The following TSC22D1 variants were observed in gnomAD, a reference collection of about 807,000 sequenced individuals.
TSC22D1 encodes the protein TSC22 domain family member 1, also known as TSC22 domain family protein 1.
TSC22D1 carries 9 observed loss-of-function variants against 74.2 expected under a neutral mutation model. The ratio of observed to expected loss-of-function variants is 0.12; its 90% CI spans 0.07 to 0.21. TSC22D1 has a LOEUF of 0.21. Among genes scored for constraint, TSC22D1 ranks in the 10% least tolerant of loss-of-function variants. The pLI is 1.00. For synonymous variants in TSC22D1, 586 were observed against 492.5 expected (o/e 1.19, Z -2.51); for missense variants, 1,427 against 1,304.7 (o/e 1.09, Z -1.44).
At chr13:44,544,080 A>G (rs1881654188) in intron 1 of TSC22D1, among the ~76,000 whole-genome samples, 2 of 152,196 alleles carry the variant, frequency 1.3e-5, no homozygotes, top group Non-Finnish European at 2.9e-5. Flanking sequence ...GTGACACAGC[A>G]AGACTCCGTC....
intron 1 of TSC22D1, among the ~76,000 whole-genome samples, chr13:44,453,498 T>C (rs1876325468): frequency 6.6e-6 from 1 of 152,354 alleles, no homozygotes; most frequent in Admixed American, 6.5e-5. Flanking sequence ...ATGTATTTAT[T>C]ACTTGATGCA....
At chr13:44,465,779 C>G (rs1014912302) in intron 1 of TSC22D1, among the ~76,000 whole-genome samples, 1 of 152,136 alleles carries the variant, frequency 6.6e-6, no homozygotes, top group African/African-American at 2.4e-5. Flanking sequence ...TCAAGACCAG[C>G]CTGGCCAACG....
Position 44,446,794 on chromosome 13 carries a change from GAGGAGGAAA to G in TSC22D1, c.2913-10708_2913-10700del, listed in dbSNP as rs1178608741. Reference sequence around the variant, plus strand: ...GGAAGAAGAGGAAGAAGAGGAGGAGGAGGAGGAAAAGGAGGAGGAAGAGGAGGAGGAAGA... The same window carrying G: ...GGAAGAAGAGGAAGAAGAGGAGGAGGAGGAGGAGGAAGAGGAGGAGGAAGA... On this transcript the variant is annotated intron_variant, in intron 1 of 2. Transcript: ENST00000458659. Among the ~76,000 whole-genome samples, 287 of 119,128 alleles carry G rather than the reference GAGGAGGAAA, an allele frequency of 2.4e-3. 1 individual carries two copies. The highest frequency in any genetic ancestry group is 0.012 in the South Asian group (49 of 4,044). The allele number at this position is 119,128 out of a possible 152,430, so 78.2% of individuals were successfully genotyped here. A position where few individuals can be genotyped will look rare whatever the true frequency, so the allele number is the denominator to read the frequency against.
intron 1 of TSC22D1, among the ~76,000 whole-genome samples, chr13:44,478,549 T>TGG (rs71685129): frequency 0.023 from 3,474 of 152,012 alleles, 113 homozygotes; most frequent in African/African-American, 0.076. Context: ...GCTCAAAATC[T>TGG]GGGGGGGAAG....
intron 1 of TSC22D1, among the ~76,000 whole-genome samples, chr13:44,552,751 G>T (rs142023305): frequency 6.6e-6 from 1 of 152,358 alleles, no homozygotes; most frequent in Non-Finnish European, 1.5e-5. Context: ...CACTTTGGGA[G>T]GCCGAGGCAG....
At chr13:44,547,992 CTCAT>C (rs763290033) in intron 1 of TSC22D1, among the ~76,000 whole-genome samples, 6 of 152,074 alleles carry the variant, frequency 3.9e-5, no homozygotes, top group Non-Finnish European at 8.8e-5. Flanking sequence ...TATATATTGC[CTCAT>C]TCAATCTTTA....
At position 44,537,475 on chromosome 13, in the gene TSC22D1, A is replaced by G. The variant is rs894425477; in HGVS notation, c.2912+35688T>C. 4 of 985,026 alleles carry G rather than the reference A, an allele frequency of 4.1e-6. No individual in the cohort carries two copies. In the African/African-American group the frequency reaches 7.0e-5, roughly 17 times the overall value. 61.0% of individuals were successfully genotyped at this position (985,026 alleles called of 1,614,324 possible). ...TTTCATCTTCAAAGCTGAAACAAAA[A>G]GCTTATAATCTCACAGGCCACACAA... On this transcript the variant is annotated intron_variant, in intron 1 of 2. Coordinates refer to ENST00000458659, the MANE Select transcript of TSC22D1 (RefSeq NM_183422.4).
intron 1 of TSC22D1, among the ~76,000 whole-genome samples, chr13:44,560,050 T>C (rs1303072062): frequency 6.6e-6 from 1 of 152,188 alleles, no homozygotes; most frequent in Admixed American, 6.5e-5. Flanking sequence ...AGAAACCAAG[T>C]TGGCTTGGTT....
chr13:44,509,131 C>T (rs1879568073), intron 1 of TSC22D1, among the ~76,000 whole-genome samples: 1 of 152,130 alleles, frequency 6.6e-6, no homozygotes, highest in African/African-American at 2.4e-5. Flanking sequence ...CAGTGCGCTT[C>T]CACACTCAGA....
At chr13:44,512,905 C>G (rs573171149) in intron 1 of TSC22D1, among the ~76,000 whole-genome samples, 2 of 152,314 alleles carry the variant, frequency 1.3e-5, no homozygotes, top group South Asian at 4.1e-4. Flanking sequence ...GCCTCGGCCT[C>G]CCAAAGTGCT....
At chr13:44,436,227 T>A (rs781579824) in intron 1 of TSC22D1, 132 bp from the exon 2 acceptor site, 121 of 1,105,002 alleles carry the variant, frequency 1.1e-4, no homozygotes, top group Non-Finnish European at 1.5e-4. Context: ...ATGTAATGTA[T>A]CACCCTCCAG....
intron 1 of TSC22D1, 58 bp from the exon 2 acceptor site, chr13:44,436,153 GATAAAA>G: frequency 6.4e-7 from 1 of 1,553,902 alleles, no homozygotes; most frequent in South Asian, 1.2e-5. Context: ...AAGCTTCCAA[GATAAAA>G]AGGATCTCCC....
At chr13:44,464,291 G>A (rs2065666954) in intron 1 of TSC22D1, among the ~76,000 whole-genome samples, 1 of 152,186 alleles carries the variant, frequency 6.6e-6, no homozygotes, top group Non-Finnish European at 1.5e-5. Flanking sequence ...TTAAGGTTAT[G>A]TCACTTTCAT....
chr13:44,538,998 A>G, intron 1 of TSC22D1: 1 of 985,406 alleles, frequency 1.0e-6, no homozygotes, highest in Non-Finnish European at 1.2e-6. Context: ...ACAAGTTCAC[A>G]TTCTACCCAT....
chr13:44,519,516 C>T (rs1315195684), intron 1 of TSC22D1, among the ~76,000 whole-genome samples: 2 of 151,998 alleles, frequency 1.3e-5, no homozygotes, highest in East Asian at 1.9e-4. Flanking sequence ...TCACAAGAGA[C>T]GTCCCTGAAG....
intron 1 of TSC22D1, among the ~76,000 whole-genome samples, chr13:44,455,538 T>C (rs1876514991): frequency 6.6e-6 from 1 of 152,232 alleles, no homozygotes; most frequent in Non-Finnish European, 1.5e-5. Flanking sequence ...ACTAGTTTCT[T>C]CAAGAATTAT....
intron 1 of TSC22D1, among the ~76,000 whole-genome samples, chr13:44,518,336 GA>G (rs1880151822): frequency 6.6e-6 from 1 of 152,020 alleles, no homozygotes; most frequent in Non-Finnish European, 1.5e-5. Context: ...TCAAAAAAGG[GA>G]AAAATTAAAA....
At chr13:44,518,813 T>C (rs576634328) in intron 1 of TSC22D1, among the ~76,000 whole-genome samples, 2 of 152,314 alleles carry the variant, frequency 1.3e-5, no homozygotes, top group East Asian at 1.9e-4. Flanking sequence ...AGTGTTCAAG[T>C]TGAGGTTTTT....
At chr13:44,569,447 T>C (rs988000093) in intron 1 of TSC22D1, among the ~76,000 whole-genome samples, 4 of 152,196 alleles carry the variant, frequency 2.6e-5, no homozygotes, top group African/African-American at 9.6e-5. Flanking sequence ...CAGGAAGCTC[T>C]TCCATTTATT....
Sources: gnomAD v4.1 joint callset for allele counts (sites outside exome capture counted in the v4.1 genomes callset) on GRCh38, gnomAD v4.1.1 for gene constraint, MANE v1.5 for transcripts, NCBI Gene and HGNC (gene_info 2026-07-23, HGNC 2026-07-21) for gene names.